YTHDF3: variants seen among roughly 807,000 people sequenced by gnomAD.
The protein encoded by YTHDF3 is YTH N6-methyladenosine RNA binding protein F3, also known as YTH domain-containing family protein 3.
Under a neutral mutation model 52.5 loss-of-function variants are expected in YTHDF3, and 9 were observed. The ratio of observed to expected loss-of-function variants is 0.17; its 90% CI spans 0.10 to 0.30. YTHDF3 has a LOEUF of 0.30. YTHDF3 is among the 10% of genes least tolerant of loss of function. The pLI, the probability that YTHDF3 is intolerant of heterozygous loss-of-function variation, is 1.00. For synonymous variants in YTHDF3, 274 were observed against 243.3 expected, an observed-to-expected ratio of 1.13 and a Z score of -1.18; for missense variants, 534 against 715.0, an observed-to-expected ratio of 0.75 and a Z score of 2.89.
intron 3 of YTHDF3, among the ~76,000 whole-genome samples, chr8:63,178,551 A>AT (rs1433988158): frequency 2.2e-4 from 34 of 152,336 alleles, no homozygotes; most frequent in African/African-American, 7.9e-4. Flanking sequence ...GAATCAACAT[A>AT]TTTGTATCCT....
At chr8:63,204,552 G>A (rs990707782) in intron 4 of YTHDF3, among the ~76,000 whole-genome samples, 1 of 151,952 alleles carries the variant, frequency 6.6e-6, no homozygotes, top group African/African-American at 2.4e-5. Flanking sequence ...AGTAGAGACG[G>A]GGTTTCTCCA....
intron 4 of YTHDF3, among the ~76,000 whole-genome samples, chr8:63,191,131 G>T (rs1311000620): frequency 6.6e-6 from 1 of 151,994 alleles, no homozygotes; most frequent in Non-Finnish European, 1.5e-5. Flanking sequence ...TACATTTTTT[G>T]TTTGTAAATA....
intron 2 of YTHDF3, chr8:63,172,725 C>T: frequency 4.1e-6 from 5 of 1,219,674 alleles, no homozygotes; most frequent in Non-Finnish European, 5.1e-6. Context: ...AAAGAATCAC[C>T]TGGCTCCTAA....
chr8:63,169,575 G>T (rs775312928), intron 2 of YTHDF3, 164 bp downstream of exon 2: 41 of 715,218 alleles, frequency 5.7e-5, no homozygotes, highest in Admixed American at 2.0e-4. Flanking sequence ...CCAGAACTTC[G>T]GTAGTTCGTT....
chr8:63,207,669 A>T (rs1247650826), intron 4 of YTHDF3, among the ~76,000 whole-genome samples: 3 of 152,150 alleles, frequency 2.0e-5, no homozygotes, highest in Non-Finnish European at 2.9e-5. Context: ...TGTGGTCCTC[A>T]TTGTTACAAC....
intron 2 of YTHDF3, chr8:63,172,691 A>C: frequency 1.1e-5 from 12 of 1,062,784 alleles, no homozygotes; most frequent in Non-Finnish European, 1.4e-5. Flanking sequence ...GACTTTCCTA[A>C]CTTGATGTAG....
chr8:63,188,679 A>T (rs1345071113), intron 4 of YTHDF3: 2 of 41,192 alleles, frequency 4.9e-5, no homozygotes, highest in African/African-American at 1.2e-4. Context: ...AAGAAATTAC[A>T]TATATATATA....
At chr8:63,168,988 G>T in intron 1 of YTHDF3, 87 bp downstream of exon 1, 2 of 1,505,616 alleles carry the variant, frequency 1.3e-6, no homozygotes, top group Non-Finnish European at 1.8e-6. Flanking sequence ...CCCCGTCGCC[G>T]CCGCTGCCGG....
intron 4 of YTHDF3, among the ~76,000 whole-genome samples, chr8:63,197,297 G>A (rs929284248): frequency 2.0e-5 from 3 of 152,150 alleles, no homozygotes; most frequent in South Asian, 4.1e-4. Context: ...AAGTATGAAT[G>A]TGTAGAATTT....
intron 4 of YTHDF3, among the ~76,000 whole-genome samples, 186 bp downstream of exon 4, chr8:63,187,931 A>G (rs540191949): frequency 6.6e-6 from 1 of 152,260 alleles, no homozygotes; most frequent in East Asian, 1.9e-4. Flanking sequence ...TTCCCAGGGT[A>G]ACTCACGCTG....
At chr8:63,203,990 G>C (rs1809816502) in intron 4 of YTHDF3, among the ~76,000 whole-genome samples, 1 of 152,090 alleles carries the variant, frequency 6.6e-6, no homozygotes, top group African/African-American at 2.4e-5. Flanking sequence ...AAAATGTTCT[G>C]TTATTCCCTT....
At chr8:63,169,167 C>T (rs926689454) in intron 1 of YTHDF3, 3 of 1,404,232 alleles carry the variant, frequency 2.1e-6, no homozygotes, top group South Asian at 1.5e-5. Context: ...AGACATGGGG[C>T]GGAGACCGGG....
At chr8:63,183,477 A>C (rs1012175922) in intron 3 of YTHDF3, among the ~76,000 whole-genome samples, 6 of 151,924 alleles carry the variant, frequency 3.9e-5, no homozygotes, top group Non-Finnish European at 7.4e-5. Flanking sequence ...TTTTGTCAAG[A>C]TTTTTTTCTT....
At chr8:63,202,963 TGGGCAC>T (rs1300283638) in intron 4 of YTHDF3, among the ~76,000 whole-genome samples, 4 of 152,218 alleles carry the variant, frequency 2.6e-5, no homozygotes, top group African/African-American at 9.6e-5. Flanking sequence ...TACAGTCTGC[TGGGCAC>T]GGTGGCTCGT....
At chr8:63,169,100 C>A in intron 1 of YTHDF3, 199 bp downstream of exon 1, 1 of 1,381,534 alleles carries the variant, frequency 7.2e-7, no homozygotes, top group East Asian at 2.9e-5. Flanking sequence ...CGCGGTGCCG[C>A]GGCGGGTGGG....
At chr8:63,207,046 T>C (rs1810080967) in intron 4 of YTHDF3, among the ~76,000 whole-genome samples, 1 of 152,208 alleles carries the variant, frequency 6.6e-6, no homozygotes, top group Non-Finnish European at 1.5e-5. Context: ...TTTTTGCTAA[T>C]GTGTAAATGT....
intron 1 of YTHDF3, 134 bp downstream of exon 1, chr8:63,169,035 G>T (rs894044520): frequency 6.9e-7 from 1 of 1,445,192 alleles, no homozygotes; most frequent in African/African-American, 1.5e-5. Flanking sequence ...TTGCTGCGGT[G>T]TAGCTACCCG....
intron 3 of YTHDF3, among the ~76,000 whole-genome samples, chr8:63,179,846 G>T (rs1807965744): frequency 6.6e-6 from 1 of 150,702 alleles, no homozygotes; most frequent in African/African-American, 2.4e-5. Flanking sequence ...CCGGGTGGGG[G>T]GCTGACCCTC....
chr8:63,184,757 G>T (rs1808388425), intron 3 of YTHDF3, among the ~76,000 whole-genome samples: 1 of 152,188 alleles, frequency 6.6e-6, no homozygotes, highest in Non-Finnish European at 1.5e-5. Flanking sequence ...AAATGGTATT[G>T]ACCCTTGAAA....
Sources: gnomAD v4.1 joint callset for allele counts (sites outside exome capture counted in the v4.1 genomes callset) on GRCh38, gnomAD v4.1.1 for gene constraint, MANE v1.5 for transcripts, NCBI Gene and HGNC (gene_info 2026-07-23, HGNC 2026-07-21) for gene names.